COP1: variants seen among roughly 807,000 people sequenced by gnomAD.
COP1 encodes the protein E3 ubiquitin-protein ligase COP1.
In COP1, 24 loss-of-function variants were observed where a neutral mutation model predicts 101.3. The ratio of observed to expected loss-of-function variants is 0.24; its 90% CI spans 0.17 to 0.33. The LOEUF is 0.33. Ranked by LOEUF, COP1 falls within the 10% of genes least tolerant of loss-of-function variation. The probability of loss-of-function intolerance (pLI) is 1.00; values close to 1 mark genes in which losing one functional copy is unlikely to be tolerated. For synonymous variants in COP1, 347 were observed against 341.9 expected, an observed-to-expected ratio of 1.01 and a Z score of -0.17; for missense variants, 663 against 906.2, an observed-to-expected ratio of 0.73 and a Z score of 3.45.
chr1:176,178,348 A>AT (rs991432778), intron 2 of COP1, among the ~76,000 whole-genome samples: 12 of 141,474 alleles, frequency 8.5e-5, no homozygotes, highest in South Asian at 2.3e-4. Flanking sequence ...CAAAAAAAAA[A>AT]AAATAATAAT....
intron 15 of COP1, among the ~76,000 whole-genome samples, chr1:175,995,410 G>C (rs1659877885): frequency 6.6e-6 from 1 of 152,184 alleles, no homozygotes; most frequent in African/African-American, 2.4e-5. Flanking sequence ...CAGAACTGAA[G>C]GAAATACAGA....
chr1:176,023,817 G>C (rs369057317), intron 15 of COP1, among the ~76,000 whole-genome samples: 11 of 151,416 alleles, frequency 7.3e-5, no homozygotes, highest in Non-Finnish European at 1.6e-4. Context: ...TCCAAGCCCA[G>C]ACAGTTTCTC....
intron 11 of COP1, among the ~76,000 whole-genome samples, chr1:176,047,687 A>T (rs2149212345): frequency 6.6e-6 from 1 of 152,268 alleles, no homozygotes; most frequent in East Asian, 1.9e-4. Context: ...ACAAACATCC[A>T]TTTTCTTAAT....
At chr1:176,108,450 A>C (rs1206773071) in intron 9 of COP1, among the ~76,000 whole-genome samples, 1 of 152,166 alleles carries the variant, frequency 6.6e-6, no homozygotes, top group Non-Finnish European at 1.5e-5. Context: ...TCCTTGAAAT[A>C]AATTTGTGTA....
At position 176,014,469 on chromosome 1, in the gene COP1, A is replaced by C. The variant is rs114678535; in HGVS notation, c.1729+13103T>G. On this transcript the variant is annotated intron_variant, in intron 15 of 19. Transcript: ENST00000367669. ...AAAACTATTCTAATTATCTGTTAGA[A>C]GTCATTACCCTCAAAACAGGTGGTT... 7.8e-3 allele frequency among the ~76,000 whole-genome samples: 1,185 copies of C among 152,372 alleles called. 7 individuals are homozygous for C. Among genetic ancestry groups the C allele is most frequent in the South Asian group, 0.031 (151 of 4,830 alleles).
chr1:176,064,527 C>T (rs561287990), intron 11 of COP1, among the ~76,000 whole-genome samples: 101 of 152,330 alleles, frequency 6.6e-4, no homozygotes, highest in Non-Finnish European at 1.1e-3. Context: ...TTAGTTACCA[C>T]ACTCTAATAC....
chr1:175,975,152 CTG>C (rs1357077251), intron 18 of COP1, among the ~76,000 whole-genome samples: 1 of 152,122 alleles, frequency 6.6e-6, no homozygotes, highest in Admixed American at 6.5e-5. Context: ...ATGCAAATCT[CTG>C]TATCTAAAAT....
At chr1:176,089,588 A>T (rs1358943496) in intron 9 of COP1, among the ~76,000 whole-genome samples, 1 of 152,218 alleles carries the variant, frequency 6.6e-6, no homozygotes, top group Non-Finnish European at 1.5e-5. Context: ...TGTAATGTAT[A>T]CTACAGTGTA....
chr1:175,977,426 T>C (rs1028892242), intron 18 of COP1, among the ~76,000 whole-genome samples: 1 of 152,190 alleles, frequency 6.6e-6, no homozygotes, highest in Non-Finnish European at 1.5e-5. Flanking sequence ...AGATTGACTT[T>C]TCTTCAATCT....
intron 1 of COP1, among the ~76,000 whole-genome samples, chr1:176,198,482 A>T (rs1699934611): frequency 1.3e-5 from 2 of 152,202 alleles, no homozygotes; most frequent in Admixed American, 1.3e-4. Context: ...TCATAACCAT[A>T]AGAAAACTAT....
intron 1 of COP1, among the ~76,000 whole-genome samples, chr1:176,200,790 C>CA (rs1700188774): frequency 4.6e-5 from 7 of 152,000 alleles, no homozygotes; most frequent in Admixed American, 4.6e-4. Context: ...AGAAAGAGGA[C>CA]AAAGAACAAG....
intron 6 of COP1, among the ~76,000 whole-genome samples, chr1:176,145,354 C>T (rs1691412776): frequency 6.7e-6 from 1 of 149,532 alleles, no homozygotes; most frequent in South Asian, 2.1e-4. Flanking sequence ...GTATCACATA[C>T]TGGCAAGAAC....
At chr1:176,051,021 CAT>C (rs1458514324) in intron 11 of COP1, among the ~76,000 whole-genome samples, 1 of 151,942 alleles carries the variant, frequency 6.6e-6, no homozygotes, top group Non-Finnish European at 1.5e-5. Flanking sequence ...GATAATAACA[CAT>C]AATTCAGCCT....
At chr1:176,010,564 T>C (rs962196780) in intron 15 of COP1, among the ~76,000 whole-genome samples, 2 of 152,238 alleles carry the variant, frequency 1.3e-5, no homozygotes, top group Admixed American at 1.3e-4. Context: ...TTAAATGTTT[T>C]TGGCACAAAT....
intron 19 of COP1, among the ~76,000 whole-genome samples, chr1:175,945,826 T>C: frequency 6.6e-6 from 1 of 152,194 alleles, no homozygotes; most frequent in Non-Finnish European, 1.5e-5. Flanking sequence ...GTAGCAAATA[T>C]TTAAACGTGC....
At chr1:176,096,425 C>A (rs556862198) in intron 9 of COP1, among the ~76,000 whole-genome samples, 5 of 152,340 alleles carry the variant, frequency 3.3e-5, no homozygotes, top group African/African-American at 1.2e-4. Context: ...ATGGCCATGT[C>A]TGCCACATGA....
intron 9 of COP1, among the ~76,000 whole-genome samples, chr1:176,105,358 T>C (rs1354498904): frequency 6.6e-6 from 1 of 152,012 alleles, no homozygotes; most frequent in African/African-American, 2.4e-5. Flanking sequence ...ACAACGAAAA[T>C]TGAAGAAAAT....
chr1:175,992,559 C>A (rs1033255371), intron 15 of COP1, among the ~76,000 whole-genome samples: 2 of 152,186 alleles, frequency 1.3e-5, no homozygotes, highest in Non-Finnish European at 2.9e-5. Flanking sequence ...TGCGCTTTAC[C>A]GACAGGCTTA....
In COP1 at chr1:176,191,956, A is replaced by G. The variant is rs571589102; in HGVS notation, c.408-7264T>C. On this transcript the variant is annotated intron_variant, in intron 1 of 19. Coordinates refer to ENST00000367669, the MANE Select transcript of COP1 (RefSeq NM_022457.7). ...AATTTAACAATAAAATATTTTTTAA[A>G]TAAGGATTCTAAATAACTATGTGCT... 2.5e-4 allele frequency among the ~76,000 whole-genome samples: 38 copies of G among 152,278 alleles called. No individual in the cohort carries two copies. In the South Asian group the frequency reaches 7.3e-3, roughly 29 times the overall value.
Sources: gnomAD v4.1 joint callset for allele counts (sites outside exome capture counted in the v4.1 genomes callset) on GRCh38, gnomAD v4.1.1 for gene constraint, MANE v1.5 for transcripts, NCBI Gene and HGNC (gene_info 2026-07-23, HGNC 2026-07-21) for gene names.